The following ZFP90 variants were observed in gnomAD, a reference collection of about 807,000 sequenced individuals.
The protein encoded by ZFP90 is zinc finger protein 90 homolog.
In ZFP90, 38 loss-of-function variants were observed where a neutral mutation model predicts 60.8. The observed-to-expected ratio is 0.62, with a 90% confidence interval of 0.48 to 0.82. The LOEUF (loss-of-function observed/expected upper bound fraction) is 0.82, where lower values mean the gene tolerates loss of function less well. Among genes scored for constraint, ZFP90 ranks in the 40% least tolerant of loss-of-function variants. The probability of loss-of-function intolerance (pLI) is 0.00; values close to 1 mark genes in which losing one functional copy is unlikely to be tolerated. For synonymous variants in ZFP90, 287 were observed against 264.8 expected (o/e 1.08, Z -0.82); for missense variants, 711 against 759.1 (o/e 0.94, Z 0.74).
upstream of ZFP90, among the ~76,000 whole-genome samples, chr16:68,539,052 C>T (rs1268338309): frequency 6.6e-6 from 1 of 152,218 alleles, no homozygotes; most frequent in African/African-American, 2.4e-5. Flanking sequence ...GGGTCTTTCC[C>T]GGCCGATTCC....
intron 2 of ZFP90, among the ~76,000 whole-genome samples, chr16:68,541,925 C>A (rs780247192): frequency 2.0e-5 from 3 of 152,074 alleles, no homozygotes; most frequent in Non-Finnish European, 2.9e-5. Flanking sequence ...CCCTGAACGC[C>A]CTGGCTCAGT....
chr16:68,543,288 A>T (rs2091085271), intron 2 of ZFP90, among the ~76,000 whole-genome samples: 1 of 152,198 alleles, frequency 6.6e-6, no homozygotes, highest in African/African-American at 2.4e-5. Context: ...TAGATTTTTT[A>T]AAAGATTGCC....
At position 68,564,654 on chromosome 16, in the gene ZFP90, G is replaced by T; in HGVS notation, c.1867G>T (p.Ala623Ser). The T allele has an allele frequency of 6.2e-7, 1 of 1,613,616 alleles. No individual in the cohort carries two copies. The highest frequency in any genetic ancestry group is 8.5e-7 in the Non-Finnish European group (1 of 1,179,890). Residue 623 changes from alanine to serine, a missense_variant, in exon 5 of 5, where the codon GCT becomes TCT. Ala to Ser is a moderately conservative substitution (Grantham distance 99, BLOSUM62 1). This residue lies in a region of ZFP90 where 295 missense variants were observed against 274.0 expected (regional missense o/e 1.08). Transcript: ENST00000563169. ...ECGKNFSRSS[A>S]LTKHQRIHTR... ...TGGGAAAAACTTCAGCCGAAGTTCA[G>T]CTCTTACTAAACACCAGAGAATTCA...
chr16:68,558,564 T>C lies in ZFP90; in HGVS notation c.252T>C (p.Tyr84=), dbSNP rs1462123635. Residue 84 remains tyrosine (Y), a synonymous_variant, in exon 4 of 5, where the codon TAT becomes TAC. Transcript: ENST00000563169. The part of the protein sequence containing the change: ...ISEGEIQRPF[Y]PDWKTRPEVK... ...AGGGAGAAATCCAACGACCTTTCTATCCAGGTAAATGAGTGAGAGTCAGGC... is the reference window on the plus strand; with the variant it reads ...AGGGAGAAATCCAACGACCTTTCTACCCAGGTAAATGAGTGAGAGTCAGGC... 1 of 1,613,122 alleles carries C rather than the reference T, an allele frequency of 6.2e-7. No individual in the cohort carries two copies. The highest frequency in any genetic ancestry group is 1.1e-5 in the South Asian group (1 of 91,062).
At chr16:68,570,857 C>T (rs1218677214), downstream of ZFP90, among the ~76,000 whole-genome samples, 1 of 152,114 alleles carries the variant, frequency 6.6e-6, no homozygotes, top group Non-Finnish European at 1.5e-5. Context: ...AGCTGCTTCT[C>T]CCAAGTTATC....
At chr16:68,568,899 G>A (rs905327318), downstream of ZFP90, among the ~76,000 whole-genome samples, 3 of 152,100 alleles carry the variant, frequency 2.0e-5, no homozygotes, top group East Asian at 1.9e-4. Context: ...GGCTGGTTTC[G>A]AACTCCTGGC....
At chr16:68,571,827 A>G (rs1303439056), downstream of ZFP90, among the ~76,000 whole-genome samples, 1 of 152,214 alleles carries the variant, frequency 6.6e-6, no homozygotes, top group African/African-American at 2.4e-5. Context: ...TGGCACTGTC[A>G]GAATCAGGCA....
intron 2 of ZFP90, among the ~76,000 whole-genome samples, chr16:68,549,914 AAC>A (rs907463091): frequency 3.3e-5 from 5 of 152,128 alleles, no homozygotes; most frequent in African/African-American, 7.2e-5. Flanking sequence ...AAGGCAAAGA[AAC>A]ACAAAAGAAA....
chr16:68,572,175 A>C (rs973211909), intron 2 of ZFP90, among the ~76,000 whole-genome samples: 2 of 86,802 alleles, frequency 2.3e-5, no homozygotes, highest in Admixed American at 2.3e-4. Context: ...CCAGCTGACA[A>C]ACACTTTTTT....
intron 2 of ZFP90, among the ~76,000 whole-genome samples, chr16:68,551,456 C>CT (rs1159484019): frequency 2.4e-5 from 3 of 125,886 alleles, no homozygotes; most frequent in African/African-American, 6.1e-5. Context: ...GAATCTTGCT[C>CT]TGTTGCCCAG....
rs185072427 is a variant in ZFP90 at position 68,541,549 on chromosome 16, G to C, written c.33+1724G>C. ...TTGGCCAGGATGGTCTCGATCTCCT[G>C]ACCTCCCAAAGTTCTGGGATTACAG... On this transcript the variant is annotated intron_variant, in intron 2 of 4. Coordinates refer to ENST00000563169, the MANE Select transcript of ZFP90 (RefSeq NM_001305203.2). Among the ~76,000 whole-genome samples, 113 of 152,120 alleles carry C rather than the reference G, an allele frequency of 7.4e-4. No individual in the cohort carries two copies. In the Middle Eastern group the frequency reaches 0.01, roughly 14 times the overall value.
At chr16:68,546,217 A>G (rs2091147309) in intron 2 of ZFP90, among the ~76,000 whole-genome samples, 1 of 152,222 alleles carries the variant, frequency 6.6e-6, no homozygotes, top group African/African-American at 2.4e-5. Context: ...CATATATAAT[A>G]TTAGAGACTT....
chr16:68,575,974 A>G, exon 3 of ZFP90: 1 of 395,740 alleles, frequency 2.5e-6, no homozygotes, highest in African/African-American at 2.1e-5. Flanking sequence ...ATTTTTCACA[A>G]CTCTGGAACA....
At chr16:68,546,825 A>G (rs150206557) in intron 2 of ZFP90, among the ~76,000 whole-genome samples, 7 of 152,290 alleles carry the variant, frequency 4.6e-5, no homozygotes, top group African/African-American at 1.2e-4. Flanking sequence ...ATCACACAGT[A>G]TATCTTTTTG....
intron 2 of ZFP90, chr16:68,555,285 T>C (rs1286054654): frequency 2.6e-5 from 4 of 152,264 alleles, no homozygotes; most frequent in African/African-American, 4.8e-5. Flanking sequence ...ACAGTGTATA[T>C]AGTAAATCCA....
chr16:68,569,442 C>G (rs1355205391), downstream of ZFP90, among the ~76,000 whole-genome samples: 1 of 152,150 alleles, frequency 6.6e-6, no homozygotes, highest in Non-Finnish European at 1.5e-5. Flanking sequence ...GCTGATTAGT[C>G]CCACTTTTCT....
At chr16:68,560,539 T>G (rs75805250) in intron 4 of ZFP90, among the ~76,000 whole-genome samples, 46 of 109,566 alleles carry the variant, frequency 4.2e-4, no homozygotes, top group Middle Eastern at 4.1e-3. Flanking sequence ...ACACTGGATT[T>G]TATTTATTTA....
intron 2 of ZFP90, among the ~76,000 whole-genome samples, chr16:68,548,684 T>C (rs1476996879): frequency 6.6e-6 from 1 of 152,048 alleles, no homozygotes; most frequent in Non-Finnish European, 1.5e-5. Flanking sequence ...GAGATGGGGT[T>C]TCTCCATGTT....
chr16:68,571,753 C>T (rs1017606515), downstream of ZFP90, among the ~76,000 whole-genome samples: 3 of 152,002 alleles, frequency 2.0e-5, no homozygotes, highest in African/African-American at 7.2e-5. Flanking sequence ...CATAGTGAGA[C>T]CTCATCTCAA....
Sources: allele counts gnomAD v4.1 joint callset (sites outside exome capture counted in the v4.1 genomes callset), GRCh38; gene constraint gnomAD v4.1.1; regional missense constraint gnomAD v4.1.1; transcripts MANE v1.5; gene names NCBI Gene and HGNC (gene_info 2026-07-23, HGNC 2026-07-21).